The following NWD1 variants were observed in gnomAD, a reference collection of about 807,000 sequenced individuals.
NWD1 encodes NACHT domain- and WD repeat-containing protein 1.
In NWD1, 129 loss-of-function variants were observed where a neutral mutation model predicts 135.1. That is an observed-to-expected ratio of 0.96 (90% confidence interval 0.83 to 1.11). The LOEUF is 1.11. NWD1 is among the 50% of genes least tolerant of loss of function. The pLI, the probability that NWD1 is intolerant of heterozygous loss-of-function variation, is 0.00. For missense variants in NWD1, 1,740 were observed against 1,851.3 expected, an observed-to-expected ratio of 0.94 and a Z score of 1.10; for synonymous variants, 773 against 786.0, an observed-to-expected ratio of 0.98 and a Z score of 0.28.
intron 4 of NWD1, among the ~76,000 whole-genome samples, chr19:16,742,456 G>A (rs967462467): frequency 6.6e-6 from 1 of 152,050 alleles, no homozygotes; most frequent in Non-Finnish European, 1.5e-5. Context: ...ACTGAGCTCT[G>A]ATCTCTCCCT....
intron 3 of NWD1, among the ~76,000 whole-genome samples, chr19:16,732,598 AATTTT>A (rs1433066928): frequency 5.1e-5 from 6 of 117,298 alleles, no homozygotes; most frequent in African/African-American, 1.9e-4. Context: ...CTGGCTAGGG[AATTTT>A]TTTTTTTTTT....
chr19:16,753,935 C>T (rs534533995), intron 6 of NWD1, among the ~76,000 whole-genome samples: 13 of 145,240 alleles, frequency 9.0e-5, no homozygotes, highest in African/African-American at 3.1e-4. Flanking sequence ...CATCTCAATC[C>T]TCCATCCTTC....
chr19:16,811,589 A>G, intron 18 of NWD1, among the ~76,000 whole-genome samples: 1 of 151,108 alleles, frequency 6.6e-6, no homozygotes, highest in East Asian at 1.9e-4. Context: ...TGTCTCAGAA[A>G]AAAAAAAAAA....
At chr19:16,801,880 G>A (rs1007878606) in intron 17 of NWD1, among the ~76,000 whole-genome samples, 1 of 152,098 alleles carries the variant, frequency 6.6e-6, no homozygotes, top group Non-Finnish European at 1.5e-5. Flanking sequence ...TAGTTCTCGC[G>A]AGGTTGTTAA....
chr19:16,795,366 G>T (rs1250026478), intron 15 of NWD1, among the ~76,000 whole-genome samples: 1 of 152,104 alleles, frequency 6.6e-6, no homozygotes, highest in East Asian at 1.9e-4. Context: ...AAACACAAGG[G>T]GTCCACGACC....
At chr19:16,763,119 C>T (rs889748695) in intron 8 of NWD1, among the ~76,000 whole-genome samples, 12 of 151,992 alleles carry the variant, frequency 7.9e-5, no homozygotes, top group East Asian at 1.9e-4. Flanking sequence ...CTTCTCCCCC[C>T]GAGACCCATT....
intron 6 of NWD1, among the ~76,000 whole-genome samples, chr19:16,754,243 C>T (rs934624346): frequency 1.3e-5 from 2 of 148,514 alleles, no homozygotes; most frequent in African/African-American, 5.0e-5. Flanking sequence ...CATCCATCAT[C>T]TCCATCTTCC....
chr19:16,732,702 A>C, intron 3 of NWD1, among the ~76,000 whole-genome samples: 1 of 142,106 alleles, frequency 7.0e-6, no homozygotes. Context: ...GTGTGATCTC[A>C]CAGCTCACTG....
At chr19:16,730,550 C>T (rs1199143690) in intron 2 of NWD1, among the ~76,000 whole-genome samples, 1 of 151,768 alleles carries the variant, frequency 6.6e-6, no homozygotes, top group Non-Finnish European at 1.5e-5. Flanking sequence ...TCCTTCTCTA[C>T]AAAAAATTTA....
In NWD1 at chr19:16,816,611, C is replaced by T. The variant is rs996029192; in HGVS notation, c.*1572C>T. 26 of 152,208 alleles carry T rather than the reference C, an allele frequency of 1.7e-4. No homozygotes were observed. The highest frequency in any genetic ancestry group is 6.3e-4 in the African/African-American group (26 of 41,462). 9.4% of individuals were successfully genotyped at this position (152,208 alleles called of 1,614,324 possible). On this transcript the variant is annotated 3_prime_UTR_variant, in exon 19 of 19. Transcript: ENST00000524140. ...CTGTTTTCATTCCACTTAAGTGGATCTTTCTTCTTTGCCCACAGCCTTCTA... is the reference window on the plus strand; with the variant it reads ...CTGTTTTCATTCCACTTAAGTGGATTTTTCTTCTTTGCCCACAGCCTTCTA...
chr19:16,813,807 T>A (rs1323393439), intron 18 of NWD1, among the ~76,000 whole-genome samples: 2 of 151,726 alleles, frequency 1.3e-5, no homozygotes, highest in Non-Finnish European at 2.9e-5. Flanking sequence ...CCAACCACTT[T>A]GGAAACACCG....
chr19:16,748,835 TAATAAGAAGAAG>T (rs920953384), intron 5 of NWD1, among the ~76,000 whole-genome samples: 1 of 148,860 alleles, frequency 6.7e-6, no homozygotes, highest in Non-Finnish European at 1.5e-5. Context: ...ATAATAATAA[TAATAAGAAGAAG>T]AATAAGAGTA....
rs549353145 is a variant in NWD1, at chr19:16,784,485, C to T, written c.2732-4497C>T. 2.2e-4 allele frequency among the ~76,000 whole-genome samples: 33 copies of T among 152,042 alleles called. No homozygotes were observed. In the South Asian group the frequency reaches 4.8e-3, roughly 22 times the overall value. ...TGGAGCATCTGTGGATTTTGGTATCCGCAGGGGTGAAGGAAGGGCAGGGGA... is the reference window on the plus strand; with the variant it reads ...TGGAGCATCTGTGGATTTTGGTATCTGCAGGGGTGAAGGAAGGGCAGGGGA... On this transcript the variant is annotated intron_variant, in intron 12 of 18. Transcript: ENST00000524140.
intron 1 of NWD1, among the ~76,000 whole-genome samples, chr19:16,722,278 G>A (rs755226327): frequency 1.3e-5 from 2 of 150,864 alleles, no homozygotes; most frequent in Admixed American, 6.6e-5. Context: ...CAGCCTGGGC[G>A]ACAGAGCAAG....
At position 16,815,052 on chromosome 19, in the gene NWD1, T is replaced by A. The variant is rs770978643; in HGVS notation, c.*13T>A. On this transcript the variant is annotated 3_prime_UTR_variant, in exon 19 of 19. Coordinates refer to ENST00000524140, the MANE Select transcript of NWD1 (RefSeq NM_001007525.5). ...GGCACCCTGCTGACAGTCCAGTTTG[T>A]CCATGCTGTGGTAAACAGAATCATC... The A allele has an allele frequency of 2.5e-5, 40 of 1,613,822 alleles. No homozygotes were observed. Among genetic ancestry groups the A allele is most frequent in the Admixed American group, 6.7e-5 (4 of 59,976 alleles).
At chr19:16,742,183 T>C (rs545191851) in intron 4 of NWD1, among the ~76,000 whole-genome samples, 1 of 152,250 alleles carries the variant, frequency 6.6e-6, no homozygotes, top group African/African-American at 2.4e-5. Context: ...GAGACCAGCC[T>C]GGCCAACATG....
rs375594148 is a variant in NWD1 at position 16,763,974 on chromosome 19, C to T, written c.2251+29C>T. On this transcript the variant is annotated intron_variant, in intron 9 of 18. Coordinates refer to ENST00000524140, the MANE Select transcript of NWD1 (RefSeq NM_001007525.5). The stretch of plus-strand genomic sequence containing the variant: ...AGGGCTGCCCCCCATCTCAGAGGAC[C>T]GAGCCTGGTGACTGCACCACGCTCC... The T allele has an allele frequency of 1.4e-4, 188 of 1,373,208 alleles. No homozygotes were observed. The Middle Eastern group carries it at 2.7e-3, about 20-fold the overall frequency. 85.1% of individuals were successfully genotyped at this position (1,373,208 alleles called of 1,614,324 possible).
At chr19:16,780,886 T>A (rs1172352506) in intron 12 of NWD1, among the ~76,000 whole-genome samples, 1 of 152,118 alleles carries the variant, frequency 6.6e-6, no homozygotes, top group Non-Finnish European at 1.5e-5. Flanking sequence ...CTCAAGCTCC[T>A]GAGCTCAAGC....
chr19:16,784,977 G>A (rs539454461), intron 12 of NWD1, among the ~76,000 whole-genome samples: 2 of 151,882 alleles, frequency 1.3e-5, no homozygotes, highest in East Asian at 3.9e-4. Flanking sequence ...CAGTCACCAG[G>A]GGCCACATGG....
Sources: gnomAD v4.1 joint callset for allele counts (sites outside exome capture counted in the v4.1 genomes callset) on GRCh38, gnomAD v4.1.1 for gene constraint, MANE v1.5 for transcripts, NCBI Gene and HGNC (gene_info 2026-07-23, HGNC 2026-07-21) for gene names.